FMN1: variants seen among roughly 807,000 people sequenced by gnomAD.
The protein encoded by FMN1 is formin 1, also known as formin-1.
A neutral mutation model predicts 132.4 loss-of-function variants in FMN1; 110 were observed. The ratio of observed to expected loss-of-function variants is 0.83; its 90% CI spans 0.71 to 0.97. The LOEUF is 0.97. Ranked by LOEUF, FMN1 falls within the 50% of genes least tolerant of loss-of-function variation. The probability of loss-of-function intolerance (pLI) is 0.00; values close to 1 mark genes in which losing one functional copy is unlikely to be tolerated. For synonymous variants in FMN1, 722 were observed against 651.7 expected, an observed-to-expected ratio of 1.11 and a Z score of -1.64; for missense variants, 1,792 against 1,705.3, an observed-to-expected ratio of 1.05 and a Z score of -0.90.
intron 16 of FMN1, among the ~76,000 whole-genome samples, chr15:32,866,780 A>G (rs549923853): frequency 6.6e-6 from 1 of 152,124 alleles, no homozygotes; most frequent in Admixed American, 6.5e-5. Context: ...CTCATTTTGT[A>G]TCTCCTTCGC....
At chr15:33,058,333 A>G (rs17816711) in intron 6 of FMN1, among the ~76,000 whole-genome samples, 51,186 of 152,070 alleles carry the variant, frequency 0.34, 8,885 homozygotes, top group Admixed American at 0.37. Context: ...TCTTCCCAAA[A>G]GAGGACTCAA....
intron 4 of FMN1, among the ~76,000 whole-genome samples, chr15:33,104,857 T>C (rs909516119): frequency 6.6e-6 from 1 of 152,138 alleles, no homozygotes; most frequent in Non-Finnish European, 1.5e-5. Flanking sequence ...CATTTCTATG[T>C]TAAAAACAAT....
intron 5 of FMN1, among the ~76,000 whole-genome samples, chr15:33,078,133 T>G (rs2038296357): frequency 6.6e-6 from 1 of 152,248 alleles, no homozygotes; most frequent in South Asian, 2.1e-4. Flanking sequence ...ACTAGCTTTT[T>G]GTCACTTGAG....
At chr15:33,058,137 C>G (rs1306962468) in intron 6 of FMN1, among the ~76,000 whole-genome samples, 1 of 117,716 alleles carries the variant, frequency 8.5e-6, no homozygotes, top group Non-Finnish European at 2.1e-5. Flanking sequence ...GAGGCTGAAG[C>G]CAGGATGGTG....
chr15:32,909,897 G>A (rs922490425), intron 11 of FMN1, among the ~76,000 whole-genome samples: 4 of 151,648 alleles, frequency 2.6e-5, no homozygotes, highest in African/African-American at 9.7e-5. Context: ...AAAAAAATCA[G>A]AGCCTACTAT....
intron 19 of FMN1, among the ~76,000 whole-genome samples, chr15:32,794,890 C>T (rs185694529): frequency 2.6e-5 from 4 of 152,266 alleles, no homozygotes; most frequent in Non-Finnish European, 5.9e-5. Flanking sequence ...CATAAAAAAA[C>T]GTGATCTTCA....
intron 4 of FMN1, among the ~76,000 whole-genome samples, chr15:33,095,997 T>C (rs1203311369): frequency 5.5e-5 from 7 of 127,250 alleles, no homozygotes; most frequent in Non-Finnish European, 9.4e-5. Context: ...ACAAGGTAAA[T>C]ACCAAAAAAA....
intron 6 of FMN1, among the ~76,000 whole-genome samples, chr15:33,024,710 T>A (rs945048448): frequency 6.6e-5 from 10 of 152,222 alleles, no homozygotes; most frequent in South Asian, 2.1e-4. Context: ...TCAGAAATTC[T>A]ACTCTAATGT....
chr15:33,130,185 T>A lies in FMN1; in HGVS notation c.1867+22863A>T, dbSNP rs371658177. ...GCAAATTCAGAAAACCTTCCTCTTA[T>A]GCCAGTTAAGATTGCCCTGCTAGCA... is the stretch of plus-strand genomic sequence containing the variant. On this transcript the variant is annotated intron_variant, in intron 4 of 20. Transcript: ENST00000616417. Among the ~76,000 whole-genome samples the A allele has an allele frequency of 2.0e-5, 3 of 152,332 alleles. No individual in the cohort carries two copies. The South Asian group carries it at 6.2e-4, about 32-fold the overall frequency.
intron 8 of FMN1, among the ~76,000 whole-genome samples, chr15:32,965,560 A>G (rs2031132754): frequency 6.6e-6 from 1 of 152,198 alleles, no homozygotes; most frequent in Non-Finnish European, 1.5e-5. Flanking sequence ...GATAACTATT[A>G]TTACATGGAA....
chr15:33,180,745 T>C (rs80267058), intron 2 of FMN1, among the ~76,000 whole-genome samples: 2 of 12,386 alleles, frequency 1.6e-4, no homozygotes, highest in East Asian at 1.2e-3. Flanking sequence ...TCCTGCTGCC[T>C]TTTTTTTTTT....
intron 10 of FMN1, among the ~76,000 whole-genome samples, chr15:32,919,048 A>G (rs1426301926): frequency 6.6e-6 from 1 of 152,164 alleles, no homozygotes; most frequent in East Asian, 1.9e-4. Flanking sequence ...GAAACTGCCC[A>G]TTTATTTAGT....
chr15:33,108,362 T>TCTAC (rs1038970103), intron 4 of FMN1, among the ~76,000 whole-genome samples: 2 of 152,078 alleles, frequency 1.3e-5, no homozygotes, highest in Non-Finnish European at 2.9e-5. Flanking sequence ...GAATCTTCTA[T>TCTAC]CTACATGTCT....
At chr15:32,820,477 CCT>C (rs1413208105) in intron 17 of FMN1, among the ~76,000 whole-genome samples, 1 of 152,068 alleles carries the variant, frequency 6.6e-6, no homozygotes, top group Non-Finnish European at 1.5e-5. Context: ...ATAAAGTCCC[CCT>C]GATAGCCCTC....
chr15:33,023,060 A>C (rs561436669), intron 6 of FMN1, among the ~76,000 whole-genome samples: 39 of 28,474 alleles, frequency 1.4e-3, no homozygotes, highest in Non-Finnish European at 2.6e-3. Context: ...TCCCCCACCC[A>C]AAAAAAAAAA....
chr15:33,108,950 A>G (rs1488340608), intron 4 of FMN1, among the ~76,000 whole-genome samples: 1 of 152,098 alleles, frequency 6.6e-6, no homozygotes, highest in Non-Finnish European at 1.5e-5. Flanking sequence ...CAGACAATCA[A>G]TCAGTTACCA....
At chr15:32,864,611 C>T (rs933205021) in intron 16 of FMN1, among the ~76,000 whole-genome samples, 3 of 152,156 alleles carry the variant, frequency 2.0e-5, no homozygotes, top group South Asian at 2.1e-4. Context: ...CAAAAAACTC[C>T]GAATTCCCAG....
chr15:33,051,114 T>C (rs1031324325), intron 6 of FMN1, among the ~76,000 whole-genome samples: 1 of 152,196 alleles, frequency 6.6e-6, no homozygotes, highest in Non-Finnish European at 1.5e-5. Context: ...GATCGGGGGA[T>C]ATAGAGTGAA....
rs76753116 is a variant in FMN1, at chr15:32,832,888, A to G, written c.3928+24127T>C. On this transcript the variant is annotated intron_variant, in intron 17 of 20. Transcript: ENST00000616417. ...CTTTATGACCCCGGGTTACCTAAAT[A>G]TGTTGCCTTCTAATGTTGTTTTGTG... Among the ~76,000 whole-genome samples, 447 of 152,164 alleles carry G rather than the reference A, an allele frequency of 2.9e-3. 5 individuals are homozygous for G. The highest frequency in any genetic ancestry group is 0.01 in the African/African-American group (433 of 41,530).
Sources: gnomAD v4.1 joint callset for allele counts (sites outside exome capture counted in the v4.1 genomes callset) on GRCh38, gnomAD v4.1.1 for gene constraint, MANE v1.5 for transcripts, NCBI Gene and HGNC (gene_info 2026-07-23, HGNC 2026-07-21) for gene names.